AGBL4: variants seen among roughly 807,000 people sequenced by gnomAD.
AGBL4 encodes the protein cytosolic carboxypeptidase 6.
AGBL4 carries 58 observed loss-of-function variants against 66.4 expected under a neutral mutation model. The ratio of observed to expected loss-of-function variants is 0.87; its 90% confidence interval spans 0.71 to 1.09. The LOEUF is 1.09. AGBL4 is among the 50% of genes least tolerant of loss of function. AGBL4 has a pLI of 0.00. For synonymous variants in AGBL4, 234 were observed against 222.9 expected (o/e 1.05, Z -0.44); for missense variants, 579 against 631.0 (o/e 0.92, Z 0.88).
chr1:48,525,438 T>C, the AGBL4 span, among the ~76,000 whole-genome samples: 1 of 152,168 alleles, frequency 6.6e-6, no homozygotes, highest in African/African-American at 2.4e-5. Flanking sequence ...AAATTAGTGA[T>C]GAGACACTTC....
chr1:49,484,938 C>T (rs1647032672), intron 3 of AGBL4, among the ~76,000 whole-genome samples: 1 of 151,516 alleles, frequency 6.6e-6, no homozygotes. Context: ...AAGAAAAAAG[C>T]AGAAAATGTG....
At chr1:49,226,686 TAAAC>T (rs1371285692) in intron 4 of AGBL4, among the ~76,000 whole-genome samples, 1 of 152,164 alleles carries the variant, frequency 6.6e-6, no homozygotes, top group African/African-American at 2.4e-5. Flanking sequence ...CTTTAGCCCC[TAAAC>T]AAACAACTAA....
At chr1:49,477,697 A>T (rs1437628315) in intron 3 of AGBL4, among the ~76,000 whole-genome samples, 2 of 152,018 alleles carry the variant, frequency 1.3e-5, no homozygotes, top group African/African-American at 4.8e-5. Context: ...GAAAAACATG[A>T]CCTTACCAAA....
chr1:48,821,160 A>T (rs1646303996), intron 6 of AGBL4, among the ~76,000 whole-genome samples: 1 of 152,188 alleles, frequency 6.6e-6, no homozygotes, highest in Non-Finnish European at 1.5e-5. Context: ...GTAAATTAGT[A>T]TAACATCTAT....
intron 1 of AGBL4, chr1:49,995,030 G>A (rs1175395057): frequency 1.4e-5 from 6 of 427,992 alleles, no homozygotes; most frequent in Non-Finnish European, 2.8e-5. Flanking sequence ...TGTCTCAGAG[G>A]GGTCCATGGG....
At chr1:49,455,677 T>C (rs1482949837) in intron 3 of AGBL4, among the ~76,000 whole-genome samples, 1 of 151,702 alleles carries the variant, frequency 6.6e-6, no homozygotes, top group Non-Finnish European at 1.5e-5. Context: ...TTTCACATTA[T>C]GTTTAGAGGA....
At chr1:49,952,241 T>G (rs1030976359) in intron 1 of AGBL4, among the ~76,000 whole-genome samples, 3 of 151,864 alleles carry the variant, frequency 2.0e-5, no homozygotes, top group Non-Finnish European at 4.4e-5. Flanking sequence ...AGACCATGCT[T>G]TTAACCACTA....
intron 3 of AGBL4, among the ~76,000 whole-genome samples, chr1:49,570,148 C>G (rs1419300783): frequency 1.3e-5 from 2 of 152,072 alleles, no homozygotes; most frequent in African/African-American, 2.4e-5. Context: ...TTTGAGAATG[C>G]TTCATACTTT....
At chr1:49,107,692 T>TGAGAGAGA (rs1479107593) in intron 4 of AGBL4, among the ~76,000 whole-genome samples, 118 of 117,790 alleles carry the variant, frequency 1.0e-3, no homozygotes, top group African/African-American at 3.7e-3. Context: ...TGTGTGTGTG[T>TGAGAGAGA]GTGAGAGAGA....
At chr1:48,753,300 G>A (rs1461514587) in intron 6 of AGBL4, among the ~76,000 whole-genome samples, 1 of 152,204 alleles carries the variant, frequency 6.6e-6, no homozygotes, top group Non-Finnish European at 1.5e-5. Context: ...CCTGAGAAGG[G>A]TTAAACAAAT....
chr1:49,254,536 C>T (rs1652321509), intron 3 of AGBL4, among the ~76,000 whole-genome samples: 1 of 152,164 alleles, frequency 6.6e-6, no homozygotes, highest in African/African-American at 2.4e-5. Context: ...AATTGAAAAA[C>T]ATTCCATGTT....
chr1:49,679,259 T>A (rs528500487), intron 3 of AGBL4, among the ~76,000 whole-genome samples: 1 of 152,170 alleles, frequency 6.6e-6, no homozygotes, highest in Non-Finnish European at 1.5e-5. Flanking sequence ...GCCTTCTTGG[T>A]GAATTGACAT....
intron 1 of AGBL4, among the ~76,000 whole-genome samples, chr1:49,871,753 T>C (rs577921435): frequency 6.6e-6 from 1 of 152,290 alleles, no homozygotes; most frequent in East Asian, 1.9e-4. Context: ...TGTCCTAACA[T>C]ATGTTATCAG....
intron 4 of AGBL4, among the ~76,000 whole-genome samples, chr1:49,084,893 T>A (rs529850064): frequency 6.6e-6 from 1 of 152,324 alleles, no homozygotes; most frequent in South Asian, 2.1e-4. Context: ...GAGACCGTCA[T>A]GTTGTCCTTT....
intron 1 of AGBL4, among the ~76,000 whole-genome samples, chr1:49,948,401 A>G (rs1452665475): frequency 8.6e-6 from 1 of 116,590 alleles, no homozygotes; most frequent in Non-Finnish European, 1.6e-5. Flanking sequence ...ATATATAAAT[A>G]TATATAAATA....
chr1:49,710,556 C>T (rs929209420), intron 2 of AGBL4, among the ~76,000 whole-genome samples: 1 of 151,936 alleles, frequency 6.6e-6, no homozygotes, highest in Non-Finnish European at 1.5e-5. Context: ...CCTGCACGTT[C>T]TGCACATGTA....
chr1:49,264,648 C>T (rs1653553456), intron 3 of AGBL4, among the ~76,000 whole-genome samples: 1 of 151,958 alleles, frequency 6.6e-6, no homozygotes, highest in African/African-American at 2.4e-5. Context: ...CAGGTGCAAG[C>T]AATTCTCCTG....
intron 2 of AGBL4, among the ~76,000 whole-genome samples, chr1:49,705,172 T>G (rs1016659010): frequency 6.6e-6 from 1 of 152,204 alleles, no homozygotes; most frequent in Non-Finnish European, 1.5e-5. Flanking sequence ...CTAGGTATTT[T>G]ATTCTCTTTT....
chr1:49,795,212 A>G (rs1042791960), intron 2 of AGBL4, among the ~76,000 whole-genome samples: 2 of 151,990 alleles, frequency 1.3e-5, no homozygotes, highest in Non-Finnish European at 2.9e-5. Flanking sequence ...AAAAAAATAG[A>G]AGTACCATTC....
Sources: gnomAD v4.1 joint callset for allele counts (sites outside exome capture counted in the v4.1 genomes callset) on GRCh38, gnomAD v4.1.1 for gene constraint, MANE v1.5 for transcripts, NCBI Gene and HGNC (gene_info 2026-07-23, HGNC 2026-07-21) for gene names.